The following MTMR7 variants were observed in gnomAD, a reference collection of about 807,000 sequenced individuals.
The protein encoded by MTMR7 is phosphatidylinositol-3-phosphate phosphatase MTMR7.
MTMR7 carries 76 observed loss-of-function variants against 81.2 expected under a neutral mutation model. That is an observed-to-expected ratio of 0.94 (90% CI 0.78 to 1.13). MTMR7 has a LOEUF of 1.13. Among genes scored for constraint, MTMR7 ranks in the 50% most tolerant of loss-of-function variants. The pLI is 0.00. For synonymous variants in MTMR7, 372 were observed against 289.8 expected, an observed-to-expected ratio of 1.28 and a Z score of -2.88; for missense variants, 1,044 against 820.0, an observed-to-expected ratio of 1.27 and a Z score of -3.34.
chr8:17,313,229 C>T (rs1238496514), intron 8 of MTMR7, 63 bp downstream of exon 8: 1 of 1,230,544 alleles, frequency 8.1e-7, no homozygotes, highest in East Asian at 2.3e-5. Context: ...CAGAGGGATA[C>T]CCATTTTGAA....
intron 1 of MTMR7, among the ~76,000 whole-genome samples, chr8:17,390,088 AG>A (rs1401148086): frequency 1.4e-5 from 2 of 146,672 alleles, no homozygotes; most frequent in Non-Finnish European, 3.0e-5. Context: ...AAAAAAAAAA[AG>A]AAATCCCTCA....
chr8:17,327,421 C>T (rs1284230089), intron 7 of MTMR7, among the ~76,000 whole-genome samples: 1 of 149,488 alleles, frequency 6.7e-6, no homozygotes, highest in Admixed American at 6.7e-5. Flanking sequence ...CAGGCACACA[C>T]CACCACGCCT....
chr8:17,383,523 C>G (rs1183296859), intron 1 of MTMR7, among the ~76,000 whole-genome samples: 2 of 152,190 alleles, frequency 1.3e-5, no homozygotes, highest in Non-Finnish European at 2.9e-5. Context: ...CAGAAGTGTC[C>G]ACTTCCCTGG....
chr8:17,384,733 AC>A (rs1820874418), intron 1 of MTMR7, among the ~76,000 whole-genome samples: 1 of 152,238 alleles, frequency 6.6e-6, no homozygotes, highest in African/African-American at 2.4e-5. Context: ...AGTTACTGAA[AC>A]AAAAGGTGGC....
intron 11 of MTMR7, 83 bp from the exon 12 acceptor site, chr8:17,304,602 A>G (rs1586138276): frequency 6.9e-7 from 1 of 1,449,780 alleles, no homozygotes; most frequent in East Asian, 2.3e-5. Context: ...CTGGAAAGGA[A>G]CTAATAATTG....
chr8:17,300,146 C>G lies in MTMR7; in HGVS notation c.1699G>C (p.Gly567Arg), dbSNP rs1156606200. Residue 567 changes from glycine (G) to arginine (R), a missense_variant, in exon 14 of 14, where the codon GGG (glycine) becomes CGG (arginine). Physicochemically the swap from Gly to Arg is moderately radical, Grantham distance 125 (BLOSUM62 -2). Transcript: ENST00000180173. ...ATGCTGTTGTCTGAGGTAGAAAACCCTGAGTGCTTGCTGGGCTCACTTTGC... is the reference window on the plus strand; with the variant it reads ...ATGCTGTTGTCTGAGGTAGAAAACCGTGAGTGCTTGCTGGGCTCACTTTGC... ...SKQSEPSKHS[G>R]FSTSDNSIAN... The G allele has an allele frequency of 2.5e-6, 4 of 1,614,126 alleles. No individual in the cohort carries two copies. The East Asian group carries it at 6.7e-5, about 27-fold the overall frequency.
intron 7 of MTMR7, among the ~76,000 whole-genome samples, chr8:17,323,871 C>G (rs905079261): frequency 3.9e-5 from 6 of 152,256 alleles, no homozygotes; most frequent in African/African-American, 1.4e-4. Flanking sequence ...TTGAAGCTCT[C>G]CTAGTTCTCT....
chr8:17,330,639 C>T (rs184522977), intron 7 of MTMR7, among the ~76,000 whole-genome samples: 3 of 152,240 alleles, frequency 2.0e-5, no homozygotes, highest in Admixed American at 6.5e-5. Context: ...TTGTCATGTT[C>T]GCCATATATG....
chr8:17,332,961 G>A (rs1248211853), intron 6 of MTMR7, among the ~76,000 whole-genome samples: 1 of 152,110 alleles, frequency 6.6e-6, no homozygotes. Context: ...GGATGCCCCT[G>A]TAATCTTTCA....
Position 17,302,149 on chromosome 8 carries a change from C to T in MTMR7, c.1620+5G>A. 1 of 1,614,032 alleles carries T rather than the reference C, an allele frequency of 6.2e-7. No homozygotes were observed. The highest frequency in any genetic ancestry group is 8.5e-7 in the Non-Finnish European group (1 of 1,179,940). On this transcript the variant is annotated splice_donor_5th_base_variant and intron_variant, in intron 13 of 13. Coordinates refer to ENST00000180173, the MANE Select transcript of MTMR7 (RefSeq NM_004686.5). Reference sequence around the variant, plus strand: ...AAATAGATTAACAAAGCAAGTATGTCTTACTTCTTCCAGGGCCTCTAGTTC... The same window carrying T: ...AAATAGATTAACAAAGCAAGTATGTTTTACTTCTTCCAGGGCCTCTAGTTC...
At chr8:17,350,738 G>A (rs190948659) in intron 4 of MTMR7, among the ~76,000 whole-genome samples, 1 of 152,210 alleles carries the variant, frequency 6.6e-6, no homozygotes, top group South Asian at 2.1e-4. Flanking sequence ...CTGTGATGAT[G>A]CCTCCCTTGC....
At chr8:17,339,006 C>T (rs546305503) in intron 6 of MTMR7, 5 of 152,284 alleles carry the variant, frequency 3.3e-5, no homozygotes, top group East Asian at 3.9e-4. Context: ...GAAAACATCA[C>T]ATTCCATTAT....
intron 1 of MTMR7, among the ~76,000 whole-genome samples, chr8:17,386,736 T>A (rs1236008251): frequency 6.6e-6 from 1 of 152,204 alleles, no homozygotes; most frequent in Non-Finnish European, 1.5e-5. Flanking sequence ...AAGCCAAGTA[T>A]CACTGCATCT....
chr8:17,325,651 G>T (rs1818644592), intron 7 of MTMR7, among the ~76,000 whole-genome samples: 1 of 152,170 alleles, frequency 6.6e-6, no homozygotes, highest in Non-Finnish European at 1.5e-5. Flanking sequence ...GCTAAGATTT[G>T]CAAGTCCACA....
chr8:17,362,972 T>C (rs1408393739), intron 3 of MTMR7, among the ~76,000 whole-genome samples: 1 of 152,264 alleles, frequency 6.6e-6, no homozygotes. Context: ...GCAACTGCTG[T>C]ATGTCAGTGA....
rs1456892971 is a variant in MTMR7 at position 17,373,164 on chromosome 8, T to TG, written c.100dup (p.His34ProfsTer10). 6.2e-7 allele frequency: 1 copy of TG among 1,613,794 alleles called. No individual in the cohort carries two copies. The highest frequency in any genetic ancestry group is 1.7e-5 in the Admixed American group (1 of 60,016). On this transcript the variant is annotated frameshift_variant, in exon 2 of 14. Transcript: ENST00000180173. LOFTEE classifies it high-confidence loss of function. ...AGGTGAATTTTCCACGAATATGACA[T>TG]GGGTAGCCGTCAAATACAAAGTACC...
rs150642149 is a variant in MTMR7, at chr8:17,386,536, C to T, written c.25-13296G>A. On this transcript the variant is annotated intron_variant, in intron 1 of 13. Transcript: ENST00000180173. Reference sequence around the variant, plus strand: ...TATTGGATCATACGTCTACAAAGGTCAGTGATAGGGCTGGCTTCAGAAGGG... The same window carrying T: ...TATTGGATCATACGTCTACAAAGGTTAGTGATAGGGCTGGCTTCAGAAGGG... 6.9e-3 allele frequency among the ~76,000 whole-genome samples: 1,056 copies of T among 152,296 alleles called. 5 individuals carry two copies. Among genetic ancestry groups the T allele is most frequent in the Middle Eastern group, 0.014 (4 of 294 alleles).
intron 5 of MTMR7, chr8:17,345,988 G>C (rs1819540532): frequency 6.6e-6 from 1 of 152,216 alleles, no homozygotes; most frequent in East Asian, 1.9e-4. Context: ...AAGAAAGACA[G>C]ATCAGCAAAT....
chr8:17,308,128 G>C (rs1817580272), intron 10 of MTMR7, among the ~76,000 whole-genome samples: 1 of 151,804 alleles, frequency 6.6e-6, no homozygotes, highest in Admixed American at 6.6e-5. Flanking sequence ...GGGAATTTTA[G>C]TCTTTTATGG....
Sources: gnomAD v4.1 joint callset for allele counts (sites outside exome capture counted in the v4.1 genomes callset) on GRCh38, gnomAD v4.1.1 for gene constraint, MANE v1.5 for transcripts, NCBI Gene and HGNC (gene_info 2026-07-23, HGNC 2026-07-21) for gene names.